SLC38A8: variants seen among roughly 807,000 people sequenced by gnomAD.
SLC38A8 encodes the protein amino acid transporter SLC38A8.
SLC38A8 carries 65 observed loss-of-function variants against 46.0 expected under a neutral mutation model. The observed-to-expected ratio is 1.41, with a 90% CI of 1.16 to 1.74. The LOEUF (loss-of-function observed/expected upper bound fraction) is 1.74. SLC38A8 is among the 40% of genes most tolerant of loss of function. SLC38A8 has a pLI of 0.00. For synonymous variants in SLC38A8, 447 were observed against 243.7 expected (o/e 1.83, Z -7.77); for missense variants, 998 against 567.9 (o/e 1.76, Z -7.70).
rs552905662 is a variant in SLC38A8, at chr16:84,032,026, G to A, written c.531-58C>T. 7.5e-5 allele frequency: 107 copies of A among 1,430,404 alleles called. No individual in the cohort carries two copies. The South Asian group carries it at 9.3e-4, about 12-fold the overall frequency. The allele number at this position is 1,430,404 out of a possible 1,614,324, so 88.6% of individuals were successfully genotyped here. On this transcript the variant is annotated intron_variant, in intron 4 of 10. Transcript: ENST00000299709. ...TGGGTGACATGTGCGGTTGATGCAC[G>A]GGGACAGTAGTGGGATCTGAATCCC...
intron 5 of SLC38A8, among the ~76,000 whole-genome samples, chr16:84,031,478 C>T (rs940065265): frequency 6.6e-6 from 1 of 152,242 alleles, no homozygotes; most frequent in Admixed American, 6.5e-5. Context: ...CCCGCCCATG[C>T]TCTCTGCCCT....
intron 8 of SLC38A8, 160 bp from the exon 9 acceptor site, chr16:84,016,887 G>T: frequency 2.0e-6 from 2 of 1,022,308 alleles, no homozygotes; most frequent in Non-Finnish European, 2.8e-6. Flanking sequence ...ACCCTCAGGG[G>T]TTCTGCCACC....
At chr16:84,039,780 G>GT (rs1243539131) in intron 2 of SLC38A8, 1 of 148,586 alleles carries the variant, frequency 6.7e-6, no homozygotes, top group African/African-American at 2.5e-5. Flanking sequence ...GCAGGGGAAG[G>GT]TGTGGGGGGC....
At chr16:84,020,657 G>A (rs80336158) in intron 7 of SLC38A8, among the ~76,000 whole-genome samples, 26,272 of 152,148 alleles carry the variant, frequency 0.17, 2,347 homozygotes, top group South Asian at 0.21. Flanking sequence ...GCAGAGACGT[G>A]AGGGCACGTA....
intron 4 of SLC38A8, among the ~76,000 whole-genome samples, chr16:84,032,456 G>A (rs973975962): frequency 1.3e-5 from 2 of 152,210 alleles, no homozygotes; most frequent in South Asian, 4.1e-4. Flanking sequence ...CAAAGTGCTG[G>A]AATTACAGGT....
chr16:84,012,333 G>C (rs1037126044), intron 10 of SLC38A8, among the ~76,000 whole-genome samples: 15 of 152,190 alleles, frequency 9.9e-5, no homozygotes, highest in Non-Finnish European at 2.1e-4. Context: ...AAAGTACAGA[G>C]GCTCAGTCGT....
Position 84,009,885 on chromosome 16 carries a change from G to C in SLC38A8, c.1215-8C>G. The C allele has an allele frequency of 6.2e-7, 1 of 1,611,586 alleles. No individual in the cohort carries two copies. Among genetic ancestry groups the C allele is most frequent in the Non-Finnish European group, 8.5e-7 (1 of 1,179,162 alleles). ...CAGACCTCCAGGCAGCACCTGCCAA[G>C]TGAATAAACCCATGTCAGAGCTTTT... On this transcript the variant is annotated splice_region_variant and splice_polypyrimidine_tract_variant and intron_variant, in intron 10 of 10. Transcript: ENST00000299709.
In SLC38A8 at chr16:84,041,958, C is replaced by G. The variant is rs1105355; in HGVS notation, c.189+11G>C. The stretch of plus-strand genomic sequence containing the variant: ...GTACCCGTCCCCAGGACTCACTTCC[C>G]GGGGACTTACCAGCTCCACCAGGAA... On this transcript the variant is annotated intron_variant, in intron 2 of 10. Transcript: ENST00000299709. 33 of 1,568,940 alleles carry G rather than the reference C, an allele frequency of 2.1e-5. 1 individual carries two copies. The African/African-American group carries it at 2.9e-4, about 14-fold the overall frequency.
intron 7 of SLC38A8, among the ~76,000 whole-genome samples, chr16:84,019,812 G>A (rs12325554): frequency 1.3e-5 from 2 of 152,220 alleles, no homozygotes; most frequent in Non-Finnish European, 2.9e-5. Context: ...AAGGCCAAAG[G>A]AAAGGAGTAA....
At chr16:84,039,280 G>A (rs368405744) in intron 2 of SLC38A8, among the ~76,000 whole-genome samples, 17 of 152,194 alleles carry the variant, frequency 1.1e-4, no homozygotes, top group African/African-American at 3.9e-4. Context: ...GTGGTAATAT[G>A]TTATAGCAGC....
At chr16:84,020,758 A>G (rs774420018) in intron 7 of SLC38A8, among the ~76,000 whole-genome samples, 26 of 152,170 alleles carry the variant, frequency 1.7e-4, no homozygotes, top group Non-Finnish European at 3.2e-4. Flanking sequence ...AGCCTCTAAG[A>G]TATCTGAAAT....
At chr16:84,034,878 G>C (rs539518718) in intron 3 of SLC38A8, among the ~76,000 whole-genome samples, 1 of 152,194 alleles carries the variant, frequency 6.6e-6, no homozygotes, top group Admixed American at 6.5e-5. Flanking sequence ...CAGCAGGACT[G>C]TACCAGCTCC....
intron 9 of SLC38A8, among the ~76,000 whole-genome samples, chr16:84,013,608 T>A (rs2084985339): frequency 1.3e-5 from 2 of 151,878 alleles, no homozygotes; most frequent in African/African-American, 4.8e-5. Context: ...TTTTTGTATT[T>A]TTAGTAGAGA....
intron 6 of SLC38A8, among the ~76,000 whole-genome samples, chr16:84,024,639 G>C (rs528240405): frequency 4.6e-5 from 7 of 152,202 alleles, no homozygotes; most frequent in East Asian, 4.0e-4. Context: ...AAATTAGTCA[G>C]GTGTGGTGGC....
chr16:84,009,741 T>C lies in SLC38A8; in HGVS notation c.*43A>G. 1 of 1,567,994 alleles carries C rather than the reference T, an allele frequency of 6.4e-7. No individual in the cohort carries two copies. Among genetic ancestry groups the C allele is most frequent in the Non-Finnish European group, 8.7e-7 (1 of 1,147,998 alleles). On this transcript the variant is annotated 3_prime_UTR_variant, in exon 11 of 11. Coordinates refer to ENST00000299709, the MANE Select transcript of SLC38A8 (RefSeq NM_001080442.3). ...GGCTGCATACAGCAGCCACGTAGGGTCAGCCCCCGGAGGGCCCCTTCCTGC... is the reference window on the plus strand; with the variant it reads ...GGCTGCATACAGCAGCCACGTAGGGCCAGCCCCCGGAGGGCCCCTTCCTGC...
chr16:84,029,989 G>A (rs2085219253), intron 5 of SLC38A8, among the ~76,000 whole-genome samples: 1 of 152,164 alleles, frequency 6.6e-6, no homozygotes, highest in African/African-American at 2.4e-5. Flanking sequence ...GAACCTCCAG[G>A]TCCAGCCTCT....
At position 84,017,178 on chromosome 16, in the gene SLC38A8, G is replaced by A. The variant is rs372963978; in HGVS notation, c.915C>T (p.Ser305=). The change falls in exon 8 of 11, where the codon TCC becomes TCT. Residue 305 remains serine (S), a synonymous_variant. Transcript: ENST00000299709. ...GCACGATGGGGTAGACAGTTACGAT[G>A]GAGACAGCAAAAAGGACCCGGGCCA... ...IIVARVLFAV[S]IVTVYPIVLF... is the part of the protein sequence containing the mutation. 2 of 1,613,998 alleles carry A rather than the reference G, an allele frequency of 1.2e-6. No homozygotes were observed. Among genetic ancestry groups the A allele is most frequent in the Non-Finnish European group, 1.7e-6 (2 of 1,180,028 alleles).
chr16:84,015,744 C>G (rs1305841219), intron 9 of SLC38A8, among the ~76,000 whole-genome samples: 1 of 152,146 alleles, frequency 6.6e-6, no homozygotes. Context: ...TCACTCTTGT[C>G]GCCCAGGCTA....
chr16:84,034,551 G>A lies in SLC38A8; in HGVS notation c.389-1082C>T, dbSNP rs563886329. Among the ~76,000 whole-genome samples the A allele has an allele frequency of 3.9e-5, 6 of 152,304 alleles. No homozygotes were observed. In the East Asian group the frequency reaches 1.2e-3, roughly 29 times the overall value. On this transcript the variant is annotated intron_variant, in intron 3 of 10. Coordinates refer to ENST00000299709, the MANE Select transcript of SLC38A8 (RefSeq NM_001080442.3). ...GGAGATGGGAGGCCGAGGAGCTTGAGATGTCTTCGCTCCTTCGGTGGGTTG... is the reference window on the plus strand; with the variant it reads ...GGAGATGGGAGGCCGAGGAGCTTGAAATGTCTTCGCTCCTTCGGTGGGTTG...
Sources: allele counts gnomAD v4.1 joint callset (sites outside exome capture counted in the v4.1 genomes callset), GRCh38; gene constraint gnomAD v4.1.1; transcripts MANE v1.5; gene names NCBI Gene and HGNC (gene_info 2026-07-23, HGNC 2026-07-21).